Variants in CCDC171 observed in about 807,000 individuals in gnomAD.
CCDC171 encodes coiled-coil domain-containing protein 171.
Under a neutral mutation model 168.2 loss-of-function variants are expected in CCDC171, and 177 were observed. The observed-to-expected ratio is 1.05, with a 90% CI of 0.93 to 1.19. The LOEUF (loss-of-function observed/expected upper bound fraction) is 1.19, where lower values mean the gene tolerates loss of function less well. Among genes scored for constraint, CCDC171 ranks in the 50% most tolerant of loss-of-function variants. The pLI, the probability that CCDC171 is intolerant of heterozygous loss-of-function variation, is 0.00. For missense variants in CCDC171, 1,991 were observed against 1,539.0 expected (o/e 1.29, Z -4.91); for synonymous variants, 687 against 540.8 (o/e 1.27, Z -3.75).
At chr9:15,863,451 C>T (rs985751800) in intron 23 of CCDC171, among the ~76,000 whole-genome samples, 1 of 151,944 alleles carries the variant, frequency 6.6e-6, no homozygotes, top group Non-Finnish European at 1.5e-5. Flanking sequence ...TATCATTCTC[C>T]TTCGTTTTTA....
the CCDC171 span, among the ~76,000 whole-genome samples, chr9:16,071,994 G>T: frequency 6.6e-6 from 1 of 152,058 alleles, no homozygotes; most frequent in Non-Finnish European, 1.5e-5. Context: ...CTTTCATGAG[G>T]CATGAGAAGC....
chr9:15,824,285 A>G, intron 21 of CCDC171, among the ~76,000 whole-genome samples: 1 of 152,134 alleles, frequency 6.6e-6, no homozygotes, highest in South Asian at 2.1e-4. Context: ...ACAATATAAA[A>G]TAAAATTTAT....
At chr9:15,845,416 T>C (rs2130719679) in intron 21 of CCDC171, among the ~76,000 whole-genome samples, 1 of 152,184 alleles carries the variant, frequency 6.6e-6, no homozygotes, top group South Asian at 2.1e-4. Context: ...GAAAAGTGAA[T>C]GACTGAATTT....
chr9:15,718,706 A>C (rs557601351), intron 11 of CCDC171, among the ~76,000 whole-genome samples: 1 of 152,330 alleles, frequency 6.6e-6, no homozygotes, highest in East Asian at 1.9e-4. Context: ...GAATTTTATC[A>C]AGACCACAAA....
chr9:15,579,079 C>A, intron 4 of CCDC171, 56 bp downstream of exon 4: 1 of 1,392,686 alleles, frequency 7.2e-7, no homozygotes, highest in Non-Finnish European at 1.0e-6. Context: ...TTGTATATCA[C>A]TCCTCGCTGT....
At chr9:15,997,526 A>C (rs1832411401) in intron 3 of CCDC171, among the ~76,000 whole-genome samples, 1 of 152,210 alleles carries the variant, frequency 6.6e-6, no homozygotes, top group Admixed American at 6.5e-5. Context: ...TTCAGGGAAT[A>C]GCCCTTCCAG....
chr9:15,862,171 T>A (rs1231043803), intron 23 of CCDC171, among the ~76,000 whole-genome samples: 1 of 43,242 alleles, frequency 2.3e-5, no homozygotes, highest in African/African-American at 7.6e-5. Context: ...AATTCTCTTT[T>A]TTTGAATTAA....
chr9:15,827,713 C>G (rs2060071571), intron 21 of CCDC171, among the ~76,000 whole-genome samples: 1 of 152,084 alleles, frequency 6.6e-6, no homozygotes, highest in Non-Finnish European at 1.5e-5. Flanking sequence ...TCTGATTCAG[C>G]TAGCTTGTGA....
intron 2 of CCDC171, among the ~76,000 whole-genome samples, chr9:15,569,677 T>A (rs985301605): frequency 6.6e-6 from 1 of 151,176 alleles, no homozygotes; most frequent in Non-Finnish European, 1.5e-5. Flanking sequence ...TAGCCGGGCG[T>A]GGTGGCGGGC....
the CCDC171 span, among the ~76,000 whole-genome samples, chr9:16,092,393 A>G: frequency 6.6e-6 from 1 of 152,140 alleles, no homozygotes; most frequent in Non-Finnish European, 1.5e-5. Flanking sequence ...GTGTGTTTCC[A>G]GGTGAGTCTG....
chr9:15,799,321 G>C (rs998836534), intron 21 of CCDC171, among the ~76,000 whole-genome samples: 1 of 150,808 alleles, frequency 6.6e-6, no homozygotes, highest in Non-Finnish European at 1.5e-5. Context: ...GTTTCTTTTA[G>C]CACTTTAAAT....
intron 8 of CCDC171, among the ~76,000 whole-genome samples, chr9:15,659,736 G>A (rs922946462): frequency 6.6e-6 from 1 of 152,172 alleles, no homozygotes; most frequent in African/African-American, 2.4e-5. Context: ...TTCATATCAA[G>A]TAGGATGGTG....
intron 25 of CCDC171, among the ~76,000 whole-genome samples, chr9:15,946,775 A>G (rs1052902945): frequency 6.6e-6 from 1 of 152,054 alleles, no homozygotes; most frequent in Non-Finnish European, 1.5e-5. Flanking sequence ...AAACTATACT[A>G]CAAAGCTAGA....
intron 8 of CCDC171, among the ~76,000 whole-genome samples, chr9:15,660,424 A>G (rs2048227743): frequency 6.6e-6 from 1 of 152,144 alleles, no homozygotes; most frequent in African/African-American, 2.4e-5. Context: ...TCACCCAGGT[A>G]TTCAGCATAG....
intron 7 of CCDC171, among the ~76,000 whole-genome samples, chr9:15,626,926 G>C (rs1313515913): frequency 6.6e-6 from 1 of 152,114 alleles, no homozygotes; most frequent in Non-Finnish European, 1.5e-5. Flanking sequence ...GTAGAATTTG[G>C]TTGTGAATCC....
rs1310878118 is a variant in CCDC171 at position 15,784,526 on chromosome 9, GA to G, written c.3101del (p.Lys1034SerfsTer9). ...FKQSKLITHE[K>X]FESACEELNN... ...TTTTACAGAAATTGATCACCCATGAGAAGTTTGAAAGTGCATGTGAAGAACT... is the reference window on the plus strand; with the variant it reads ...TTTTACAGAAATTGATCACCCATGAGAGTTTGAAAGTGCATGTGAAGAACT... On this transcript the variant is annotated frameshift_variant, in exon 21 of 26. Coordinates refer to ENST00000380701, the MANE Select transcript of CCDC171 (RefSeq NM_173550.4). LOFTEE classifies it high-confidence loss of function. The G allele has an allele frequency of 1.8e-5, 29 of 1,612,400 alleles. No homozygotes were observed. The highest frequency in any genetic ancestry group is 2.3e-5 in the Non-Finnish European group (27 of 1,179,018).
At chr9:15,599,456 C>T (rs563290863) in intron 6 of CCDC171, among the ~76,000 whole-genome samples, 4 of 152,052 alleles carry the variant, frequency 2.6e-5, no homozygotes, top group African/African-American at 4.8e-5. Flanking sequence ...TTCTTTTCTT[C>T]AAGAATGTTG....
chr9:15,835,481 A>T lies in CCDC171; in HGVS notation c.3268-11221A>T, dbSNP rs12002049. The stretch of plus-strand genomic sequence containing the variant: ...TCGCTTTTGTTGCCCAGGCTGGAGT[A>T]CAATGGCGTGATCTCGGCTCACTGC... On this transcript the variant is annotated intron_variant, in intron 21 of 25. Coordinates refer to ENST00000380701, the MANE Select transcript of CCDC171 (RefSeq NM_173550.4). 7.5e-3 allele frequency among the ~76,000 whole-genome samples: 1,147 copies of T among 152,230 alleles called. 8 individuals carry two copies. Among genetic ancestry groups the T allele is most frequent in the African/African-American group, 0.027 (1,110 of 41,546 alleles).
At chr9:15,953,711 C>T (rs933170213) in intron 25 of CCDC171, among the ~76,000 whole-genome samples, 1 of 151,990 alleles carries the variant, frequency 6.6e-6, no homozygotes, top group Non-Finnish European at 1.5e-5. Context: ...TGGAAGTGTT[C>T]CCTTTTCAAT....
Sources: gnomAD v4.1 joint callset for allele counts (sites outside exome capture counted in the v4.1 genomes callset) on GRCh38, gnomAD v4.1.1 for gene constraint, MANE v1.5 for transcripts, NCBI Gene and HGNC (gene_info 2026-07-23, HGNC 2026-07-21) for gene names.